Variants in NR5A2 observed in about 807,000 individuals in gnomAD.
NR5A2 encodes nuclear receptor subfamily 5 group A member 2, also known as CYP7A promoter-binding factor.
Under a neutral mutation model 62.7 loss-of-function variants are expected in NR5A2, and 26 were observed. The ratio of observed to expected loss-of-function variants is 0.41; its 90% CI spans 0.30 to 0.58. NR5A2 has a LOEUF of 0.58. Ranked by LOEUF, NR5A2 falls within the 20% of genes least tolerant of loss-of-function variation. The probability of loss-of-function intolerance (pLI) is 0.22; values close to 1 mark genes in which losing one functional copy is unlikely to be tolerated. For missense variants in NR5A2, 541 were observed against 669.1 expected, an observed-to-expected ratio of 0.81 and a Z score of 2.11; for synonymous variants, 246 against 241.7, an observed-to-expected ratio of 1.02 and a Z score of -0.16.
chr1:200,128,161 G>A (rs770461389), intron 7 of NR5A2, among the ~76,000 whole-genome samples: 2 of 152,054 alleles, frequency 1.3e-5, no homozygotes, highest in Non-Finnish European at 2.9e-5. Flanking sequence ...CTCAAGTCCC[G>A]CAGTCGGCCC....
chr1:200,160,585 G>C (rs550331058), intron 7 of NR5A2, among the ~76,000 whole-genome samples: 1 of 152,242 alleles, frequency 6.6e-6, no homozygotes, highest in South Asian at 2.1e-4. Context: ...TGCAAATACA[G>C]TCTTCATCCC....
Position 200,174,360 on chromosome 1 carries a change from C to A in NR5A2, c.*150C>A. 1.4e-6 allele frequency: 1 copy of A among 739,008 alleles called. No homozygotes were observed. Among genetic ancestry groups the A allele is most frequent in the Non-Finnish European group, 1.9e-6 (1 of 514,150 alleles). 45.8% of individuals were successfully genotyped at this position (739,008 alleles called of 1,614,324 possible). A position where few individuals can be genotyped will look rare whatever the true frequency, so the allele number is the denominator to read the frequency against. The stretch of plus-strand genomic sequence containing the variant: ...TTTAAAGATATTGAATTTAAAAAGG[C>A]ATAATAATCAAATACTTAATAGCAA... On this transcript the variant is annotated 3_prime_UTR_variant, in exon 8 of 8. Coordinates refer to ENST00000367362, the MANE Select transcript of NR5A2 (RefSeq NM_205860.3).
intron 7 of NR5A2, among the ~76,000 whole-genome samples, chr1:200,163,082 A>G (rs1653719031): frequency 6.6e-6 from 1 of 152,232 alleles, no homozygotes; most frequent in African/African-American, 2.4e-5. Context: ...GAGAAAAACA[A>G]GCAGGCTTGG....
chr1:200,072,584 G>A (rs531356105), intron 5 of NR5A2, among the ~76,000 whole-genome samples: 2 of 152,220 alleles, frequency 1.3e-5, no homozygotes, highest in East Asian at 1.9e-4. Flanking sequence ...ATATTTGAGT[G>A]AGCCTATATA....
Position 200,048,825 on chromosome 1 carries a change from C to T in NR5A2, c.1110+7C>T. On this transcript the variant is annotated splice_region_variant and intron_variant, in intron 5 of 7. Transcript: ENST00000367362. The surrounding 1 kb of genome is among the most constrained non-coding windows in gnomAD (Gnocchi z 4.8). ...CTTCTTCAGAGAACTTAAGGTATGC[C>T]ACCAGCTATTACAACTTACAGCACC... 1 of 1,612,216 alleles carries T rather than the reference C, an allele frequency of 6.2e-7. No homozygotes were observed. The highest frequency in any genetic ancestry group is 1.1e-5 in the South Asian group (1 of 91,052).
intron 5 of NR5A2, among the ~76,000 whole-genome samples, chr1:200,050,446 G>A (rs551575257): frequency 6.1e-4 from 93 of 152,306 alleles, no homozygotes; most frequent in Admixed American, 2.1e-3. Flanking sequence ...ACTTGTATAT[G>A]TGGTGTTTGT....
chr1:200,069,883 T>G (rs1217904457), intron 5 of NR5A2, among the ~76,000 whole-genome samples: 1 of 152,190 alleles, frequency 6.6e-6, no homozygotes, highest in Non-Finnish European at 1.5e-5. Context: ...ATTACACGTG[T>G]CCATGAATAG....
chr1:200,070,898 C>T (rs1048666849), intron 5 of NR5A2, among the ~76,000 whole-genome samples: 3 of 152,052 alleles, frequency 2.0e-5, no homozygotes, highest in Non-Finnish European at 2.9e-5. Flanking sequence ...TGTGCAGGCT[C>T]TCAGGTAAAA....
chr1:200,111,378 A>G (rs1665949931), intron 6 of NR5A2, 57 bp downstream of exon 6: 2 of 1,557,606 alleles, frequency 1.3e-6, no homozygotes, highest in Non-Finnish European at 1.7e-6. Context: ...CATGTTCAGA[A>G]TGGCCGGAAT....
At chr1:200,074,411 A>C (rs911761397) in intron 5 of NR5A2, among the ~76,000 whole-genome samples, 1 of 147,260 alleles carries the variant, frequency 6.8e-6, no homozygotes, top group Admixed American at 6.7e-5. Flanking sequence ...GAAAAGAAAA[A>C]AAAAAGAAAA....
In NR5A2 at chr1:200,113,367, G is replaced by A. The variant is rs540213494; in HGVS notation, c.1230+2046G>A. On this transcript the variant is annotated intron_variant, in intron 6 of 7. Coordinates refer to ENST00000367362, the MANE Select transcript of NR5A2 (RefSeq NM_205860.3). ...GTGGCTACCCTAGTAATGATTAATT[G>A]TAATCAGACATTCTCATTTATGGCA... 1.3e-4 allele frequency among the ~76,000 whole-genome samples: 20 copies of A among 152,202 alleles called. No individual in the cohort carries two copies. In the South Asian group the frequency reaches 3.5e-3, roughly 27 times the overall value.
intron 7 of NR5A2, among the ~76,000 whole-genome samples, chr1:200,130,377 C>T (rs1666922381): frequency 6.6e-6 from 1 of 150,952 alleles, no homozygotes; most frequent in Non-Finnish European, 1.5e-5. Flanking sequence ...GTTTGCAGTG[C>T]CTAAAGCAAG....
rs150296052 is a variant in NR5A2, at chr1:200,137,650, G to A, written c.1378+16695G>A. On this transcript the variant is annotated intron_variant, in intron 7 of 7. Coordinates refer to ENST00000367362, the MANE Select transcript of NR5A2 (RefSeq NM_205860.3). ...AAACTCAATGGAGTGAAAGAAGAAG[G>A]AATGAAGATTAAAACATGAATTTGT... Among the ~76,000 whole-genome samples, 32 of 152,230 alleles carry A rather than the reference G, an allele frequency of 2.1e-4. No individual in the cohort carries two copies. In the East Asian group the frequency reaches 6.0e-3, roughly 28 times the overall value.
At chr1:200,165,994 A>G (rs1456900298) in intron 7 of NR5A2, among the ~76,000 whole-genome samples, 3 of 152,068 alleles carry the variant, frequency 2.0e-5, no homozygotes, top group Admixed American at 6.6e-5. Context: ...CCACCATTCT[A>G]TTTTCTGTGC....
chr1:200,114,262 C>T (rs1287168597), intron 6 of NR5A2, among the ~76,000 whole-genome samples: 1 of 148,216 alleles, frequency 6.7e-6, no homozygotes, highest in South Asian at 2.2e-4. Context: ...ACAAATATAT[C>T]TACATATATA....
chr1:200,103,122 CT>C (rs10655211), intron 5 of NR5A2, among the ~76,000 whole-genome samples: 3,148 of 106,554 alleles, frequency 0.03, 67 homozygotes, highest in African/African-American at 0.1. Flanking sequence ...ATGTAAAACT[CT>C]TTTTTTTTTT....
intron 5 of NR5A2, among the ~76,000 whole-genome samples, chr1:200,078,562 A>T (rs971594829): frequency 1.3e-5 from 2 of 151,906 alleles, no homozygotes; most frequent in Admixed American, 6.6e-5. Flanking sequence ...CTAGAAATTA[A>T]TTCTTTCATA....
chr1:200,102,252 C>T (rs1001884841), intron 5 of NR5A2, among the ~76,000 whole-genome samples: 10 of 152,164 alleles, frequency 6.6e-5, no homozygotes, highest in African/African-American at 1.7e-4. Flanking sequence ...TAATACAAAT[C>T]GCACCATTCC....
chr1:200,068,392 T>C (rs1217935367), intron 5 of NR5A2, among the ~76,000 whole-genome samples: 2 of 152,208 alleles, frequency 1.3e-5, no homozygotes, highest in African/African-American at 2.4e-5. Flanking sequence ...TCTCCCAATA[T>C]TCCAACAGGA....
Sources: allele counts gnomAD v4.1 joint callset (sites outside exome capture counted in the v4.1 genomes callset), GRCh38; gene constraint gnomAD v4.1.1; non-coding constraint Gnocchi (gnomAD v3.1); transcripts MANE v1.5; gene names NCBI Gene and HGNC (gene_info 2026-07-23, HGNC 2026-07-21).